The following ERBB4 variants were observed in gnomAD, a reference collection of about 807,000 sequenced individuals.
The protein encoded by ERBB4 is erb-b2 receptor tyrosine kinase 4.
ERBB4 carries 42 observed loss-of-function variants against 158.0 expected under a neutral mutation model. The observed-to-expected ratio is 0.27, with a 90% confidence interval of 0.21 to 0.34. ERBB4 has a LOEUF of 0.34. Ranked by LOEUF, ERBB4 falls within the 10% of genes least tolerant of loss-of-function variation. The pLI, the probability that ERBB4 is intolerant of heterozygous loss-of-function variation, is 1.00. For synonymous variants in ERBB4, 583 were observed against 558.7 expected, an observed-to-expected ratio of 1.04 and a Z score of -0.61; for missense variants, 1,333 against 1,624.1, an observed-to-expected ratio of 0.82 and a Z score of 3.08.
At chr2:211,415,107 CTTTTTTTTTTTT>C (rs71047175) in intron 25 of ERBB4, among the ~76,000 whole-genome samples, 3 of 72,540 alleles carry the variant, frequency 4.1e-5, no homozygotes, top group East Asian at 4.7e-4. Context: ...CTTACATTTT[CTTTTTTTTTTTT>C]TTTTTTTTTT....
At chr2:211,989,965 T>C (rs953232179) in intron 2 of ERBB4, among the ~76,000 whole-genome samples, 4 of 151,630 alleles carry the variant, frequency 2.6e-5, no homozygotes, top group African/African-American at 9.7e-5. Flanking sequence ...AAATTTATAA[T>C]ACAAATTACC....
intron 2 of ERBB4, among the ~76,000 whole-genome samples, chr2:212,076,470 A>C (rs1056867297): frequency 1.3e-5 from 2 of 152,006 alleles, no homozygotes; most frequent in African/African-American, 4.8e-5. Context: ...GAGGCTACAC[A>C]TCAGAAAATA....
At chr2:212,266,606 T>C (rs1242770320) in intron 1 of ERBB4, among the ~76,000 whole-genome samples, 3 of 151,988 alleles carry the variant, frequency 2.0e-5, no homozygotes, top group African/African-American at 7.2e-5. Flanking sequence ...TAGGAGATCA[T>C]CCTACAGATG....
At chr2:211,858,646 C>T (rs536852367) in intron 3 of ERBB4, among the ~76,000 whole-genome samples, 1 of 152,020 alleles carries the variant, frequency 6.6e-6, no homozygotes, top group South Asian at 2.1e-4. Context: ...TCTCTGTTAG[C>T]TATAACAAAA....
In ERBB4 at chr2:211,906,353, A is replaced by G. The variant is rs146947964; in HGVS notation, c.421+41077T>C. 4.2e-4 allele frequency among the ~76,000 whole-genome samples: 64 copies of G among 152,276 alleles called. 1 individual carries two copies. In the Middle Eastern group the frequency reaches 0.01, roughly 24 times the overall value. ...TTCTAGACGACCTGAAGATTTTGTC[A>G]TGAGCAATTGAGGAACATAGCTCAC... On this transcript the variant is annotated intron_variant, in intron 3 of 27. Coordinates refer to ENST00000342788, the MANE Select transcript of ERBB4 (RefSeq NM_005235.3).
At chr2:212,093,573 A>G (rs1287344726) in intron 2 of ERBB4, among the ~76,000 whole-genome samples, 3 of 152,244 alleles carry the variant, frequency 2.0e-5, no homozygotes, top group African/African-American at 7.2e-5. Context: ...AATGAAGCCA[A>G]CTGCCTGGGT....
intron 3 of ERBB4, among the ~76,000 whole-genome samples, chr2:211,885,234 T>A (rs2078767257): frequency 6.6e-6 from 1 of 152,234 alleles, no homozygotes; most frequent in East Asian, 1.9e-4. Flanking sequence ...GTATAAAAAA[T>A]GAAACTCATG....
chr2:212,125,403 G>A (rs897277097), intron 1 of ERBB4, among the ~76,000 whole-genome samples: 3 of 152,000 alleles, frequency 2.0e-5, no homozygotes, highest in African/African-American at 7.3e-5. Context: ...TCAAACATGC[G>A]TTTTTATTTT....
At chr2:211,542,024 A>G (rs568278980) in intron 20 of ERBB4, among the ~76,000 whole-genome samples, 1 of 152,062 alleles carries the variant, frequency 6.6e-6, no homozygotes, top group African/African-American at 2.4e-5. Flanking sequence ...ATTGTTATTG[A>G]TCTCATTACT....
chr2:212,125,124 G>T (rs2079882691), intron 1 of ERBB4: 1 of 545,838 alleles, frequency 1.8e-6, no homozygotes, highest in Admixed American at 3.0e-5. Context: ...GGAAGGCATA[G>T]ATTCCACAGA....
chr2:212,076,797 T>G (rs987328877), intron 2 of ERBB4, among the ~76,000 whole-genome samples: 1 of 151,588 alleles, frequency 6.6e-6, no homozygotes, highest in African/African-American at 2.4e-5. Flanking sequence ...AGATATAAGG[T>G]TAACACCACA....
At chr2:212,339,217 T>C (rs2088588867) in intron 1 of ERBB4, among the ~76,000 whole-genome samples, 1 of 152,096 alleles carries the variant, frequency 6.6e-6, no homozygotes, top group South Asian at 2.1e-4. Flanking sequence ...CCTGTGTCCA[T>C]GTGTTCTCAT....
intron 2 of ERBB4, among the ~76,000 whole-genome samples, chr2:212,064,639 A>G (rs1004279794): frequency 6.6e-6 from 1 of 152,136 alleles, no homozygotes; most frequent in Non-Finnish European, 1.5e-5. Context: ...AAAAAGAGGT[A>G]CAGTCAAATA....
At chr2:211,911,041 C>T (rs992244797) in intron 3 of ERBB4, among the ~76,000 whole-genome samples, 2 of 152,146 alleles carry the variant, frequency 1.3e-5, no homozygotes, top group African/African-American at 4.8e-5. Flanking sequence ...GAACAAAATA[C>T]ATTTATTTTG....
chr2:211,939,834 C>T (rs1024916214), intron 3 of ERBB4, among the ~76,000 whole-genome samples: 1 of 151,732 alleles, frequency 6.6e-6, no homozygotes, highest in Admixed American at 6.6e-5. Context: ...GTAGTCCCAG[C>T]TACTTGGGAG....
In ERBB4 at chr2:212,061,301, A is replaced by AACTTAGCAGG. The variant is rs1369368128; in HGVS notation, c.234+63441_234+63450dup. ...AGCTCCATCTCTACTAAAAATACAA[A>AACTTAGCAGG]ACTTAGCAGGGTGTGGTGGTTCGTG... On this transcript the variant is annotated intron_variant, in intron 2 of 27. Transcript: ENST00000342788. Among the ~76,000 whole-genome samples, 4 of 151,726 alleles carry AACTTAGCAGG rather than the reference A, an allele frequency of 2.6e-5. No homozygotes were observed. The East Asian group carries it at 7.8e-4, about 30-fold the overall frequency.
intron 1 of ERBB4, among the ~76,000 whole-genome samples, chr2:212,291,227 A>G (rs2106180439): frequency 6.6e-6 from 1 of 152,212 alleles, no homozygotes; most frequent in Admixed American, 6.5e-5. Context: ...AGGCAACAAC[A>G]CTTCCTATAG....
At chr2:211,902,934 C>G (rs1168657966) in intron 3 of ERBB4, among the ~76,000 whole-genome samples, 1 of 151,850 alleles carries the variant, frequency 6.6e-6, no homozygotes, top group African/African-American at 2.4e-5. Flanking sequence ...AACTAAAAAT[C>G]TTCACTCAGT....
At chr2:212,090,775 GCTAA>G (rs2078750700) in intron 2 of ERBB4, among the ~76,000 whole-genome samples, 1 of 152,144 alleles carries the variant, frequency 6.6e-6, no homozygotes, top group East Asian at 1.9e-4. Context: ...CAACATGTCA[GCTAA>G]CTGATGATTA....
Sources: gnomAD v4.1 joint callset for allele counts (sites outside exome capture counted in the v4.1 genomes callset) on GRCh38, gnomAD v4.1.1 for gene constraint, MANE v1.5 for transcripts, NCBI Gene and HGNC (gene_info 2026-07-23, HGNC 2026-07-21) for gene names.